Variants in PLD5 observed in about 807,000 individuals in gnomAD.
PLD5 encodes the protein phospholipase D family member 5.
Under a neutral mutation model 61.1 loss-of-function variants are expected in PLD5, and 36 were observed. The ratio of observed to expected loss-of-function variants is 0.59; its 90% CI spans 0.45 to 0.78. The LOEUF (loss-of-function observed/expected upper bound fraction) is 0.78, where lower values mean the gene tolerates loss of function less well. Among genes scored for constraint, PLD5 ranks in the 30% least tolerant of loss-of-function variants. The pLI, the probability that PLD5 is intolerant of heterozygous loss-of-function variation, is 0.00. For missense variants in PLD5, 515 were observed against 644.4 expected, an observed-to-expected ratio of 0.80 and a Z score of 2.17; for synonymous variants, 243 against 242.8, an observed-to-expected ratio of 1.00 and a Z score of -0.01.
chr1:242,376,945 T>C, intron 1 of PLD5: 1 of 1,608,722 alleles, frequency 6.2e-7, no homozygotes, highest in Non-Finnish European at 8.5e-7. Flanking sequence ...GAGCTCATCC[T>C]TTTGGATTTG....
At chr1:242,488,027 A>G (rs985157648) in intron 1 of PLD5, among the ~76,000 whole-genome samples, 1 of 152,186 alleles carries the variant, frequency 6.6e-6, no homozygotes, top group Non-Finnish European at 1.5e-5. Flanking sequence ...AGATACCACT[A>G]CATACCTATT....
chr1:242,330,175 C>T (rs12126705), intron 2 of PLD5, among the ~76,000 whole-genome samples: 9,674 of 152,220 alleles, frequency 0.064, 378 homozygotes, highest in Middle Eastern at 0.099. Context: ...AAAAATGGTT[C>T]CTTCATCAGC....
chr1:242,438,224 C>T (rs1278672937), intron 1 of PLD5, among the ~76,000 whole-genome samples: 1 of 150,944 alleles, frequency 6.6e-6, no homozygotes, highest in Non-Finnish European at 1.5e-5. Flanking sequence ...TCAGGGATGG[C>T]GTGACAGCAT....
intron 1 of PLD5, among the ~76,000 whole-genome samples, chr1:242,463,104 G>A (rs1427295950): frequency 3.3e-5 from 5 of 152,136 alleles, no homozygotes; most frequent in Admixed American, 3.3e-4. Context: ...CTTCCCACGA[G>A]CTCATATCTT....
chr1:242,316,073 A>G (rs1160366837), intron 2 of PLD5, among the ~76,000 whole-genome samples: 3 of 152,184 alleles, frequency 2.0e-5, no homozygotes, highest in Non-Finnish European at 4.4e-5. Context: ...GTGTGGAAAA[A>G]GGAGGGGAAA....
intron 9 of PLD5, among the ~76,000 whole-genome samples, chr1:242,098,047 CTCTTCTCAAGGAGTA>C (rs1361465086): frequency 7.2e-5 from 11 of 152,210 alleles, no homozygotes; most frequent in Middle Eastern, 3.4e-3. Context: ...GTCAAAGATC[CTCTTCTCAAGGAGTA>C]TCTTTGTGGC....
intron 7 of PLD5, among the ~76,000 whole-genome samples, chr1:242,113,084 C>CGTTTTTT (rs1661656373): frequency 9.0e-6 from 1 of 110,694 alleles, no homozygotes; most frequent in Non-Finnish European, 1.8e-5. Flanking sequence ...CTCTCTCTCT[C>CGTTTTTT]TTTTTTTTTT....
chr1:242,181,662 T>TG (rs1553317603), intron 5 of PLD5, among the ~76,000 whole-genome samples: 5 of 151,740 alleles, frequency 3.3e-5, no homozygotes, highest in African/African-American at 1.2e-4. Flanking sequence ...CAATGGTTTT[T>TG]TTTTGTTTTG....
intron 1 of PLD5, among the ~76,000 whole-genome samples, chr1:242,354,303 C>G (rs997168874): frequency 4.6e-5 from 7 of 152,130 alleles, no homozygotes; most frequent in Admixed American, 2.0e-4. Context: ...CTAAATAATC[C>G]ACCCTGAATT....
chr1:242,465,672 T>A (rs888900753), intron 1 of PLD5, among the ~76,000 whole-genome samples: 2 of 152,220 alleles, frequency 1.3e-5, no homozygotes, highest in African/African-American at 4.8e-5. Flanking sequence ...CCTACGCCTG[T>A]AATCCCAGCA....
chr1:242,417,247 AAGACTCAACTGCAG>A (rs948662356), intron 1 of PLD5, among the ~76,000 whole-genome samples: 25 of 152,306 alleles, frequency 1.6e-4, no homozygotes, highest in African/African-American at 5.8e-4. Context: ...CTCAGGGGGC[AAGACTCAACTGCAG>A]AGGCAGGGCT....
At position 242,156,449 on chromosome 1, in the gene PLD5, A is replaced by G. The variant is rs1410878385; in HGVS notation, c.736-31784T>C. On this transcript the variant is annotated intron_variant, in intron 5 of 9. Transcript: ENST00000536534. Reference sequence around the variant, plus strand: ...TTGATGCAATGTCTTCATAGTGTCAATGGTCTTTACAATTTGGTATGTTTT... The same window carrying G: ...TTGATGCAATGTCTTCATAGTGTCAGTGGTCTTTACAATTTGGTATGTTTT... Among the ~76,000 whole-genome samples, 4 of 152,216 alleles carry G rather than the reference A, an allele frequency of 2.6e-5. No homozygotes were observed. In the East Asian group the frequency reaches 5.8e-4, roughly 22 times the overall value.
At chr1:242,163,141 TCTTTTCTTTCTTTTC>T in intron 5 of PLD5, among the ~76,000 whole-genome samples, 1 of 133,052 alleles carries the variant, frequency 7.5e-6, no homozygotes, top group East Asian at 2.2e-4. Flanking sequence ...TATTTTCTTT[TCTTTTCTTTCTTTTC>T]TTGAGACGAC....
chr1:242,219,930 G>A (rs1558360018), intron 5 of PLD5, 58 bp downstream of exon 5: 1 of 1,577,388 alleles, frequency 6.3e-7, no homozygotes, highest in Non-Finnish European at 8.7e-7. Context: ...CGTGCTTTAT[G>A]AAGGTGGTCG....
At chr1:242,507,049 A>T (rs914776525) in intron 1 of PLD5, among the ~76,000 whole-genome samples, 3 of 152,288 alleles carry the variant, frequency 2.0e-5, no homozygotes, top group Middle Eastern at 3.4e-3. Flanking sequence ...CAAGAGTACC[A>T]TTTCCCAGTT....
intron 7 of PLD5, 137 bp downstream of exon 7, chr1:242,113,753 A>T: frequency 9.1e-7 from 1 of 1,092,956 alleles, no homozygotes; most frequent in Non-Finnish European, 1.2e-6. Context: ...AATGCATGTT[A>T]AACAGCAATG....
rs189767096 is a variant in PLD5, at chr1:242,455,367, T to C, written c.189+68721A>G. Among the ~76,000 whole-genome samples, 307 of 152,354 alleles carry C rather than the reference T, an allele frequency of 2.0e-3. 1 individual carries two copies. The highest frequency in any genetic ancestry group is 6.5e-3 in the African/African-American group (271 of 41,584). ...TAAAAGCAACCTGTAATTTATCTTCTACGCCCCAATTTTTTTGACATAAAG... is the reference window on the plus strand; with the variant it reads ...TAAAAGCAACCTGTAATTTATCTTCCACGCCCCAATTTTTTTGACATAAAG... On this transcript the variant is annotated intron_variant, in intron 1 of 9. Coordinates refer to ENST00000536534, the MANE Select transcript of PLD5 (RefSeq NM_001372062.1).
At chr1:242,492,240 C>T (rs571966444) in intron 1 of PLD5, among the ~76,000 whole-genome samples, 20 of 152,058 alleles carry the variant, frequency 1.3e-4, no homozygotes, top group African/African-American at 3.6e-4. Flanking sequence ...TGGCCAGGCA[C>T]GTGGCTCACA....
At chr1:242,158,149 C>T (rs1665536333) in intron 5 of PLD5, among the ~76,000 whole-genome samples, 1 of 152,176 alleles carries the variant, frequency 6.6e-6, no homozygotes, top group Non-Finnish European at 1.5e-5. Flanking sequence ...TGGCAGACGC[C>T]CCTTCCCCCA....
Sources: gnomAD v4.1 joint callset for allele counts (sites outside exome capture counted in the v4.1 genomes callset) on GRCh38, gnomAD v4.1.1 for gene constraint, MANE v1.5 for transcripts, NCBI Gene and HGNC (gene_info 2026-07-23, HGNC 2026-07-21) for gene names.